SRPK2: variants seen among roughly 807,000 people sequenced by gnomAD.
The protein encoded by SRPK2 is SRSF protein kinase 2, also known as SFRS protein kinase 2.
A neutral mutation model predicts 90.8 loss-of-function variants in SRPK2; 21 were observed. That is an observed-to-expected ratio of 0.23 (90% CI 0.16 to 0.33). The LOEUF (loss-of-function observed/expected upper bound fraction) is 0.33. SRPK2 is among the 10% of genes least tolerant of loss of function. SRPK2 has a pLI of 1.00. For missense variants in SRPK2, 620 were observed against 869.0 expected, an observed-to-expected ratio of 0.71 and a Z score of 3.60; for synonymous variants, 288 against 311.1, an observed-to-expected ratio of 0.93 and a Z score of 0.78.
intron 2 of SRPK2, among the ~76,000 whole-genome samples, chr7:105,230,875 A>C (rs892765397): frequency 5.3e-5 from 8 of 152,252 alleles, no homozygotes; most frequent in Middle Eastern, 3.2e-3. Context: ...ATCATTGTTT[A>C]TGACAGCCAA....
chr7:105,227,024 C>T (rs1194434671), intron 2 of SRPK2, among the ~76,000 whole-genome samples: 1 of 152,120 alleles, frequency 6.6e-6, no homozygotes, highest in Non-Finnish European at 1.5e-5. Flanking sequence ...CTGGCACCCT[C>T]TAGCGCTTGT....
At chr7:105,141,566 C>T (rs905215428) in intron 11 of SRPK2, among the ~76,000 whole-genome samples, 1 of 152,114 alleles carries the variant, frequency 6.6e-6, no homozygotes, top group African/African-American at 2.4e-5. Context: ...GAACAACTAT[C>T]AAAAGACAAT....
intron 2 of SRPK2, among the ~76,000 whole-genome samples, chr7:105,372,136 T>TAAA (rs55928342): frequency 2.2e-4 from 17 of 76,764 alleles, no homozygotes; most frequent in African/African-American, 3.7e-4. Context: ...CTCCAACTCA[T>TAAA]AAAAAAAAAA....
chr7:105,339,158 G>A (rs1328206315), intron 2 of SRPK2, among the ~76,000 whole-genome samples: 1 of 152,148 alleles, frequency 6.6e-6, no homozygotes, highest in Non-Finnish European at 1.5e-5. Flanking sequence ...ACAGAAATTT[G>A]TTCTAAAGCA....
intron 2 of SRPK2, among the ~76,000 whole-genome samples, chr7:105,328,025 C>G (rs930093613): frequency 1.3e-5 from 2 of 152,174 alleles, no homozygotes; most frequent in African/African-American, 4.8e-5. Flanking sequence ...ATCAGCCCAC[C>G]TTGGCCTCCC....
chr7:105,201,565 G>A (rs59691189), intron 3 of SRPK2, among the ~76,000 whole-genome samples: 6,258 of 151,742 alleles, frequency 0.041, 443 homozygotes, highest in African/African-American at 0.14. Flanking sequence ...ACTCCTGCTT[G>A]GTAGAACCTA....
chr7:105,160,638 G>C (rs773439211), intron 6 of SRPK2, 25 bp from the exon 7 acceptor site: 4 of 1,412,236 alleles, frequency 2.8e-6, no homozygotes, highest in Non-Finnish European at 4.0e-6. Context: ...AGGATCGTTT[G>C]TGGATGCACT....
Position 105,388,554 on chromosome 7 carries a change from G to C in SRPK2, c.71+94C>G. 13 of 1,164,314 alleles carry C rather than the reference G, an allele frequency of 1.1e-5. 1 individual carries two copies. Among genetic ancestry groups the C allele is most frequent in the Non-Finnish European group, 1.3e-5 (11 of 855,232 alleles). 72.1% of individuals were successfully genotyped at this position (1,164,314 alleles called of 1,614,324 possible). A position where few individuals can be genotyped will look rare whatever the true frequency, so the allele number is the denominator to read the frequency against. ...GTCCCGGGGGACCAGCCCGCCCGCCGGCCCGGGGACCCGGACAACTTTCCC... is the reference window on the plus strand; with the variant it reads ...GTCCCGGGGGACCAGCCCGCCCGCCCGCCCGGGGACCCGGACAACTTTCCC... On this transcript the variant is annotated intron_variant, in intron 2 of 15. Transcript: ENST00000393651.
chr7:105,347,219 G>A (rs183793237), intron 2 of SRPK2, among the ~76,000 whole-genome samples: 4 of 151,884 alleles, frequency 2.6e-5, no homozygotes, highest in East Asian at 3.9e-4. Flanking sequence ...ATGTGCCACC[G>A]CGCCCGGCTA....
At chr7:105,389,913 T>A (rs1822105347), upstream of SRPK2, among the ~76,000 whole-genome samples, 1 of 152,246 alleles carries the variant, frequency 6.6e-6, no homozygotes, top group African/African-American at 2.4e-5. Context: ...CTAAGGATGA[T>A]AAATCAGAAC....
chr7:105,299,355 T>G lies in SRPK2; in HGVS notation c.71+89293A>C, dbSNP rs369143243. 3.9e-5 allele frequency among the ~76,000 whole-genome samples: 6 copies of G among 152,366 alleles called. No individual in the cohort carries two copies. The South Asian group carries it at 1.2e-3, about 32-fold the overall frequency. ...GCCTGATACTTCCAAGTAAAGGATC[T>G]ACCTTAAGGCTTCTTTCGGATATCC... On this transcript the variant is annotated intron_variant, in intron 2 of 15. Transcript: ENST00000393651.
At chr7:105,277,217 C>G (rs1191437354) in intron 2 of SRPK2, among the ~76,000 whole-genome samples, 1 of 152,082 alleles carries the variant, frequency 6.6e-6, no homozygotes, top group East Asian at 1.9e-4. Context: ...GCTGGGACTA[C>G]AGGCGCCCAC....
intron 2 of SRPK2, among the ~76,000 whole-genome samples, chr7:105,209,195 A>G (rs1796564704): frequency 6.6e-6 from 1 of 152,242 alleles, no homozygotes; most frequent in Admixed American, 6.5e-5. Flanking sequence ...AAGGGTCCAA[A>G]GTTTAAACAA....
intron 13 of SRPK2, among the ~76,000 whole-genome samples, chr7:105,129,035 A>C (rs1801604020): frequency 6.6e-6 from 1 of 152,024 alleles, no homozygotes; most frequent in Non-Finnish European, 1.5e-5. Context: ...CAGTGGCACA[A>C]TCAATCTCAG....
intron 2 of SRPK2, among the ~76,000 whole-genome samples, chr7:105,309,575 T>C (rs1811489004): frequency 6.6e-6 from 1 of 152,172 alleles, no homozygotes; most frequent in African/African-American, 2.4e-5. Flanking sequence ...CCCCATCTTT[T>C]ACAAAAACAC....
At chr7:105,235,731 A>T (rs1053818277) in intron 2 of SRPK2, among the ~76,000 whole-genome samples, 4 of 151,602 alleles carry the variant, frequency 2.6e-5, no homozygotes, top group East Asian at 1.9e-4. Context: ...AATATCTTTA[A>T]AAAAAAAACT....
chr7:105,135,482 C>T (rs1363835841), intron 11 of SRPK2, among the ~76,000 whole-genome samples: 1 of 152,228 alleles, frequency 6.6e-6, no homozygotes, highest in Admixed American at 6.5e-5. Context: ...AGTTCCGCCC[C>T]CACAAACAAC....
At chr7:105,337,051 C>T (rs1332967635) in intron 2 of SRPK2, among the ~76,000 whole-genome samples, 1 of 152,092 alleles carries the variant, frequency 6.6e-6, no homozygotes, top group African/African-American at 2.4e-5. Flanking sequence ...AGCCACCCAC[C>T]TCGGCCTCCC....
intron 2 of SRPK2, among the ~76,000 whole-genome samples, chr7:105,318,809 G>A (rs1180376660): frequency 6.6e-6 from 1 of 152,220 alleles, no homozygotes; most frequent in East Asian, 1.9e-4. Context: ...CAAGGACTCT[G>A]TCCTTTGGTC....
Sources: allele counts gnomAD v4.1 joint callset (sites outside exome capture counted in the v4.1 genomes callset), GRCh38; gene constraint gnomAD v4.1.1; transcripts MANE v1.5; gene names NCBI Gene and HGNC (gene_info 2026-07-23, HGNC 2026-07-21).